Variants in SORBS2 observed in about 807,000 individuals in gnomAD.
SORBS2 encodes the protein sorbin and SH3 domain-containing protein 2.
A neutral mutation model predicts 97.7 loss-of-function variants in SORBS2; 46 were observed. That is an observed-to-expected ratio of 0.47 (90% CI 0.37 to 0.60). The LOEUF (loss-of-function observed/expected upper bound fraction) is 0.60. SORBS2 is among the 20% of genes least tolerant of loss of function. The pLI, the probability that SORBS2 is intolerant of heterozygous loss-of-function variation, is 0.00. For missense variants in SORBS2, 1,316 were observed against 1,282.3 expected (o/e 1.03, Z -0.40); for synonymous variants, 476 against 473.4 (o/e 1.01, Z -0.07).
intron 2 of SORBS2, among the ~76,000 whole-genome samples, chr4:185,723,328 C>T (rs1044146296): frequency 6.6e-6 from 1 of 152,164 alleles, no homozygotes; most frequent in South Asian, 2.1e-4. Context: ...ACTTTGAAAA[C>T]AGTTTTATGT....
upstream of SORBS2, chr4:185,657,382 T>C (rs775803251): frequency 1.4e-6 from 2 of 1,466,834 alleles, no homozygotes; most frequent in East Asian, 5.3e-5. Flanking sequence ...TTGTGGAGTC[T>C]GTGCACAGCC....
At chr4:185,690,906 C>CT (rs34540920) in intron 2 of SORBS2, among the ~76,000 whole-genome samples, 1 of 146,564 alleles carries the variant, frequency 6.8e-6, no homozygotes, top group African/African-American at 2.5e-5. Flanking sequence ...TTTTTTCTTT[C>CT]TTTTTTTTTT....
intron 4 of SORBS2, among the ~76,000 whole-genome samples, 162 bp downstream of exon 15, chr4:185,637,917 T>G (rs1279848611): frequency 2.0e-5 from 3 of 152,170 alleles, no homozygotes; most frequent in Non-Finnish European, 4.4e-5. Context: ...TTTGACCATT[T>G]GGTACAGAAA....
chr4:185,607,259 A>G lies in SORBS2; in HGVS notation c.2796+4521T>C. The G allele has an allele frequency of 8.0e-7, 1 of 1,242,460 alleles. No individual in the cohort carries two copies. The highest frequency in any genetic ancestry group is 1.0e-6 in the Non-Finnish European group (1 of 968,916). 77.0% of individuals were successfully genotyped at this position (1,242,460 alleles called of 1,614,324 possible). A position where few individuals can be genotyped will look rare whatever the true frequency, so the allele number is the denominator to read the frequency against. ...GGTAGACATGAGGCTGTCAGGGACA[A>G]CCAGCCCTGGCCAGTTCCCTGGAGA... On this transcript the variant is annotated intron_variant, in intron 12 of 14. Transcript: ENST00000418609. This position sits in a 1 kb window ranked among gnomAD's most constrained non-coding sequence, Gnocchi z 5.2.
intron 1 of SORBS2, among the ~76,000 whole-genome samples, chr4:185,871,018 C>A (rs2099230131): frequency 6.6e-6 from 1 of 152,148 alleles, no homozygotes; most frequent in Non-Finnish European, 1.5e-5. Context: ...GATGAAATAA[C>A]TTCCCAAATA....
At chr4:185,617,706 C>T (rs1196996702) in intron 9 of SORBS2, among the ~76,000 whole-genome samples, 1 of 152,176 alleles carries the variant, frequency 6.6e-6, no homozygotes, top group Non-Finnish European at 1.5e-5. Context: ...CTTCCGCAAC[C>T]ACATGCCTAT....
In SORBS2 at chr4:185,623,774, C is replaced by T; in HGVS notation, c.1355G>A (p.Arg452Gln). The change falls in exon 7 of 15, where the codon CGG becomes CAG. Residue 452 changes from arginine to glutamine, a missense_variant. Physicochemically the swap from Arg to Gln is conservative, Grantham distance 43. Transcript: ENST00000418609. This position sits in a 1 kb window ranked among gnomAD's most constrained non-coding sequence, Gnocchi z 6.4. ...CTCCAGCAAATACTCAATGGAAAACCGCCTCTTGGGACATAGGCCATTTTG... is the reference window on the plus strand; with the variant it reads ...CTCCAGCAAATACTCAATGGAAAACTGCCTCTTGGGACATAGGCCATTTTG... The T allele has an allele frequency of 2.5e-6, 4 of 1,614,172 alleles. No individual in the cohort carries two copies. Among genetic ancestry groups the T allele is most frequent in the Non-Finnish European group, 3.4e-6 (4 of 1,180,026 alleles).
intron 4 of SORBS2, among the ~76,000 whole-genome samples, chr4:185,671,046 A>G (rs1230001916): frequency 1.3e-5 from 2 of 152,218 alleles, no homozygotes; most frequent in African/African-American, 4.8e-5. Context: ...TGCAGTTCCT[A>G]CGACTGAGAA....
intron 4 of SORBS2, among the ~76,000 whole-genome samples, chr4:185,633,619 A>G (rs920671099): frequency 2.0e-5 from 3 of 152,138 alleles, no homozygotes; most frequent in Non-Finnish European, 4.4e-5. Flanking sequence ...ATATTAAGTA[A>G]GTAATTTGTT....
chr4:185,595,516 C>T (rs1395496725), intron 12 of SORBS2, among the ~76,000 whole-genome samples: 1 of 152,048 alleles, frequency 6.6e-6, no homozygotes, highest in African/African-American at 2.4e-5. Context: ...TATCATATTA[C>T]CTATTTCAAG....
At chr4:185,687,972 AG>A (rs2098002404) in intron 2 of SORBS2, among the ~76,000 whole-genome samples, 1 of 152,210 alleles carries the variant, frequency 6.6e-6, no homozygotes, top group Admixed American at 6.5e-5. Flanking sequence ...AATGACCTGC[AG>A]CCTTGCTAGG....
chr4:185,938,066 G>A (rs2099269871), intron 1 of SORBS2, among the ~76,000 whole-genome samples: 1 of 146,448 alleles, frequency 6.8e-6, no homozygotes, highest in South Asian at 2.2e-4. Flanking sequence ...CTGGAGTGCA[G>A]TGGCATGATC....
Position 185,606,192 on chromosome 4 carries a change from G to T in SORBS2, c.2796+5588C>A, listed in dbSNP as rs989734892. ...CATCAACTTCCTCTTCTCTAAAGTG[G>T]GGATGATAATGTCACACACCTCACT... On this transcript the variant is annotated intron_variant, in intron 12 of 14. Transcript: ENST00000418609. This position sits in a 1 kb window ranked among gnomAD's most constrained non-coding sequence, Gnocchi z 4.3. The T allele has an allele frequency of 1.0e-6, 1 of 985,198 alleles. No individual in the cohort carries two copies. Among genetic ancestry groups the T allele is most frequent in the African/African-American group, 1.7e-5 (1 of 57,198 alleles). The allele number at this position is 985,198 out of a possible 1,614,324, so 61.0% of individuals were successfully genotyped here. A position where few individuals can be genotyped will look rare whatever the true frequency, so the allele number is the denominator to read the frequency against.
chr4:185,868,894 A>G (rs1561251692), intron 1 of SORBS2, among the ~76,000 whole-genome samples: 1 of 152,230 alleles, frequency 6.6e-6, no homozygotes, highest in Non-Finnish European at 1.5e-5. Context: ...AGAATATTCC[A>G]CTTTAAATAC....
chr4:185,916,010 G>C lies in SORBS2; in HGVS notation c.-338+40186C>G, dbSNP rs937949377. ...GGTCATCAACGATCTGTATGAACTTGTATAGGAAGAAAGCAGAGAGGGAAA... is the reference window on the plus strand; with the variant it reads ...GGTCATCAACGATCTGTATGAACTTCTATAGGAAGAAAGCAGAGAGGGAAA... On this transcript the variant is annotated intron_variant, in intron 1 of 20. Coordinates refer to the SORBS2 transcript ENST00000284776. Among the ~76,000 whole-genome samples the C allele has an allele frequency of 1.6e-4, 24 of 152,150 alleles. 1 individual carries two copies. The highest frequency in any genetic ancestry group is 3.4e-4 in the Non-Finnish European group (23 of 68,030).
At chr4:185,633,917 A>G (rs1310331439) in intron 4 of SORBS2, among the ~76,000 whole-genome samples, 4 of 152,144 alleles carry the variant, frequency 2.6e-5, no homozygotes, top group Non-Finnish European at 4.4e-5. Flanking sequence ...ACCACATTGA[A>G]TTTCAAAATA....
At chr4:185,691,677 T>C (rs2098097882) in intron 2 of SORBS2, among the ~76,000 whole-genome samples, 1 of 152,090 alleles carries the variant, frequency 6.6e-6, no homozygotes, top group African/African-American at 2.4e-5. Flanking sequence ...TTTTTCCCAG[T>C]GAAATGTTGG....
chr4:185,697,704 G>A (rs2098197355), intron 2 of SORBS2, among the ~76,000 whole-genome samples: 1 of 152,152 alleles, frequency 6.6e-6, no homozygotes, highest in African/African-American at 2.4e-5. Context: ...CAAATTGTGT[G>A]ACAAATTGCA....
At chr4:185,683,359 T>C (rs1285470729) in intron 2 of SORBS2, among the ~76,000 whole-genome samples, 2 of 152,342 alleles carry the variant, frequency 1.3e-5, no homozygotes, top group South Asian at 2.1e-4. Flanking sequence ...TGGCGTTCCC[T>C]GGTACGTGCG....
Sources: gnomAD v4.1 joint callset for allele counts (sites outside exome capture counted in the v4.1 genomes callset) on GRCh38, gnomAD v4.1.1 for gene constraint, Gnocchi (gnomAD v3.1) non-coding constraint, MANE v1.5 for transcripts, NCBI Gene and HGNC (gene_info 2026-07-23, HGNC 2026-07-21) for gene names.